Variants in KLF15 observed in about 807,000 individuals in gnomAD.
KLF15 encodes the protein Krueppel-like factor 15.
KLF15 carries 4 observed loss-of-function variants against 24.6 expected under a neutral mutation model. That is an observed-to-expected ratio of 0.16 (90% CI 0.08 to 0.37). The LOEUF (loss-of-function observed/expected upper bound fraction) is 0.37. Among genes scored for constraint, KLF15 ranks in the 10% least tolerant of loss-of-function variants. KLF15 has a pLI of 1.00. For missense variants in KLF15, 496 were observed against 560.6 expected (o/e 0.88, Z 1.16); for synonymous variants, 246 against 236.3 (o/e 1.04, Z -0.37).
At chr3:126,290,520 C>CTTCCTTCA in the KLF15 span, among the ~76,000 whole-genome samples, 1 of 151,488 alleles carries the variant, frequency 6.6e-6, no homozygotes, top group East Asian at 1.9e-4. Flanking sequence ...TCCTTCCTTC[C>CTTCCTTCA]TTCCTTCCTT....
the KLF15 span, among the ~76,000 whole-genome samples, chr3:126,321,218 T>G: frequency 6.6e-6 from 1 of 152,242 alleles, no homozygotes; most frequent in Non-Finnish European, 1.5e-5. Context: ...CAAGTCTCTC[T>G]ACACCCTTTC....
At chr3:126,329,771 A>G in the KLF15 span, among the ~76,000 whole-genome samples, 1 of 151,928 alleles carries the variant, frequency 6.6e-6, no homozygotes, top group South Asian at 2.1e-4. Context: ...AAAAAAAAAA[A>G]AAAAGGTAAG....
the KLF15 span, among the ~76,000 whole-genome samples, chr3:126,297,059 T>G: frequency 9.2e-5 from 14 of 152,026 alleles, no homozygotes; most frequent in Non-Finnish European, 1.8e-4. Context: ...CAGGCATGTG[T>G]CACTGCGCCT....
At chr3:126,317,927 C>T in the KLF15 span, among the ~76,000 whole-genome samples, 538 of 152,274 alleles carry the variant, frequency 3.5e-3, 9 homozygotes, top group Middle Eastern at 3.4e-3. Context: ...ACAGATTTGC[C>T]GCCACTAACA....
At chr3:126,300,026 G>A in the KLF15 span, among the ~76,000 whole-genome samples, 12 of 152,244 alleles carry the variant, frequency 7.9e-5, no homozygotes, top group East Asian at 1.9e-4. Flanking sequence ...GTGACATACC[G>A]GTAGCATGGG....
the KLF15 span, among the ~76,000 whole-genome samples, chr3:126,327,424 G>C: frequency 1.3e-5 from 2 of 152,164 alleles, no homozygotes; most frequent in African/African-American, 4.8e-5. Context: ...CAGGGAGCTG[G>C]AAGGGGTGAG....
chr3:126,289,398 T>C, the KLF15 span, among the ~76,000 whole-genome samples: 1 of 152,228 alleles, frequency 6.6e-6, no homozygotes, highest in Non-Finnish European at 1.5e-5. Context: ...AGGGAGAAAA[T>C]AGTTTACAAT....
In KLF15 at chr3:126,343,032, G is replaced by A. The variant is rs2082491263; in HGVS notation, c.*695C>T. The A allele has an allele frequency of 6.6e-6, 1 of 151,774 alleles. No individual in the cohort carries two copies. Among genetic ancestry groups the A allele is most frequent in the Non-Finnish European group, 1.5e-5 (1 of 67,864 alleles). 9.4% of individuals were successfully genotyped at this position (151,774 alleles called of 1,614,324 possible). A position where few individuals can be genotyped will look rare whatever the true frequency, so the allele number is the denominator to read the frequency against. ...ACCGGAGGAGGGGACGAGCCCCTGGGTACAGGCCCTTCTGGCTCTGTCTGC... is the reference window on the plus strand; with the variant it reads ...ACCGGAGGAGGGGACGAGCCCCTGGATACAGGCCCTTCTGGCTCTGTCTGC... On this transcript the variant is annotated 3_prime_UTR_variant, in exon 3 of 3. Transcript: ENST00000296233.
chr3:126,289,858 G>A, the KLF15 span, among the ~76,000 whole-genome samples: 1 of 152,198 alleles, frequency 6.6e-6, no homozygotes, highest in African/African-American at 2.4e-5. Flanking sequence ...AGACAGGTCT[G>A]TGCCTTTCTC....
chr3:126,294,864 T>TACACACACACAC, the KLF15 span, among the ~76,000 whole-genome samples: 4 of 141,856 alleles, frequency 2.8e-5, no homozygotes, highest in African/African-American at 1.0e-4. Context: ...TGCCCCTCCA[T>TACACACACACAC]ACACACACAC....
At chr3:126,289,617 T>G in the KLF15 span, among the ~76,000 whole-genome samples, 1 of 152,254 alleles carries the variant, frequency 6.6e-6, no homozygotes, top group South Asian at 2.1e-4. Flanking sequence ...TCTCTCCTTA[T>G]AGCTGTATTC....
In KLF15 at chr3:126,352,245, C is replaced by T; in HGVS notation, c.678G>A (p.Val226=). 1 of 1,537,540 alleles carries T rather than the reference C, an allele frequency of 6.5e-7. No homozygotes were observed. Among genetic ancestry groups the T allele is most frequent in the Non-Finnish European group, 8.7e-7 (1 of 1,144,656 alleles). The change falls in exon 2 of 3, where the codon GTG becomes GTA. Residue 226 remains valine (V), a synonymous_variant. Coordinates refer to ENST00000296233, the MANE Select transcript of KLF15 (RefSeq NM_014079.4). ...PIPVLLQIQP[V]PVKQESGTGP... ...CTGTGCCCGATTCCTGCTTCACAGG[C>T]ACGGGCTGGATCTGCAGCAACACTG...
chr3:126,315,664 A>C, the KLF15 span, among the ~76,000 whole-genome samples: 1 of 152,180 alleles, frequency 6.6e-6, no homozygotes, highest in Non-Finnish European at 1.5e-5. Context: ...GCTGCATCTT[A>C]ACAGAAAACT....
the KLF15 span, among the ~76,000 whole-genome samples, chr3:126,319,846 G>A: frequency 1.3e-5 from 2 of 152,302 alleles, no homozygotes; most frequent in East Asian, 1.9e-4. Flanking sequence ...GGCTCGGGGT[G>A]GGGTGCAGGG....
chr3:126,352,822 A>T lies in KLF15; in HGVS notation c.101T>A (p.Met34Lys), dbSNP rs1283329803. Reference sequence around the variant, plus strand: ...ATCTTCAGAGACGGGTGAGGGCAGCATGTGATATGCCCGCCGGCCAACCAG... The same window carrying T: ...ATCTTCAGAGACGGGTGAGGGCAGCTTGTGATATGCCCGCCGGCCAACCAG... The part of the protein sequence containing the change: ...DRLVGRRAYH[M>K]LPSPVSEDDS... The change falls in exon 2 of 3, where the codon ATG becomes AAG. Residue 34 changes from methionine to lysine, a missense_variant. Met to Lys is a moderately conservative substitution (Grantham distance 95). Transcript: ENST00000296233. 6.2e-7 allele frequency: 1 copy of T among 1,605,966 alleles called. No individual in the cohort carries two copies. Among genetic ancestry groups the T allele is most frequent in the Non-Finnish European group, 8.5e-7 (1 of 1,176,486 alleles).
In KLF15 at chr3:126,351,953, T is replaced by C. The variant is rs1338249805; in HGVS notation, c.970A>G (p.Thr324Ala). ...AAELIKMHKC[T>A]FPGCSKMYTK... ...TACATCTTGCTGCAGCCAGGGAAAG[T>C]ACATTTGTGCATTTTGATGAGTTCT... is the stretch of plus-strand genomic sequence containing the variant. Residue 324 changes from threonine (T) to alanine (A), a missense_variant, in exon 2 of 3, where the codon ACT becomes GCT. Around this residue, in one of 3 missense-constraint regions of KLF15, gnomAD observed 59 missense variants for 106.1 expected, o/e 0.56. Coordinates refer to ENST00000296233, the MANE Select transcript of KLF15 (RefSeq NM_014079.4). The C allele has an allele frequency of 1.2e-6, 2 of 1,612,178 alleles. No homozygotes were observed. Among genetic ancestry groups the C allele is most frequent in the African/African-American group, 1.3e-5 (1 of 74,900 alleles).
the KLF15 span, among the ~76,000 whole-genome samples, chr3:126,308,176 C>T: frequency 1.3e-5 from 2 of 152,220 alleles, no homozygotes; most frequent in Non-Finnish European, 2.9e-5. Context: ...AAGCGCGCTG[C>T]CCTGGCAACC....
chr3:126,349,789 T>C (rs1576586161), intron 2 of KLF15, among the ~76,000 whole-genome samples: 1 of 151,482 alleles, frequency 6.6e-6, no homozygotes, highest in Non-Finnish European at 1.5e-5. Context: ...TGGAGGGAGG[T>C]TTCCCTGCCT....
chr3:126,329,959 C>T, the KLF15 span, among the ~76,000 whole-genome samples: 1 of 152,014 alleles, frequency 6.6e-6, no homozygotes, highest in African/African-American at 2.4e-5. Flanking sequence ...TTAGTGCCCT[C>T]AGTGATGGCC....
Sources: gnomAD v4.1 joint callset for allele counts (sites outside exome capture counted in the v4.1 genomes callset) on GRCh38, gnomAD v4.1.1 for gene constraint, gnomAD v4.1.1 regional missense constraint, MANE v1.5 for transcripts, NCBI Gene and HGNC (gene_info 2026-07-23, HGNC 2026-07-21) for gene names.